NCOR2: variants seen among roughly 807,000 people sequenced by gnomAD.
NCOR2 encodes the protein nuclear receptor corepressor 2.
NCOR2 carries 81 observed loss-of-function variants against 262.9 expected under a neutral mutation model. The ratio of observed to expected loss-of-function variants is 0.31; its 90% CI spans 0.26 to 0.37. The LOEUF (loss-of-function observed/expected upper bound fraction) is 0.37. Ranked by LOEUF, NCOR2 falls within the 10% of genes least tolerant of loss-of-function variation. The pLI is 1.00. For synonymous variants in NCOR2, 1,659 were observed against 1,559.3 expected (o/e 1.06, Z -1.51); for missense variants, 3,385 against 3,621.4 (o/e 0.93, Z 1.68).
At chr12:124,384,734 C>A (rs1383849257) in intron 17 of NCOR2, among the ~76,000 whole-genome samples, 1 of 152,106 alleles carries the variant, frequency 6.6e-6, no homozygotes, top group Non-Finnish European at 1.5e-5. Flanking sequence ...GGGAGCAATT[C>A]AGCATGGCCT....
chr12:124,510,620 CT>C (rs1216588704), intron 1 of NCOR2, among the ~76,000 whole-genome samples: 1 of 152,250 alleles, frequency 6.6e-6, no homozygotes, highest in Non-Finnish European at 1.5e-5. Context: ...CCACTGTGTC[CT>C]GGGACCCTGT....
At chr12:124,436,116 C>A (rs957622674) in intron 8 of NCOR2, among the ~76,000 whole-genome samples, 1 of 152,236 alleles carries the variant, frequency 6.6e-6, no homozygotes, top group African/African-American at 2.4e-5. Context: ...GCCTCACACA[C>A]AGTAGGTGCT....
At chr12:124,418,442 T>C (rs1593450596) in intron 13 of NCOR2, among the ~76,000 whole-genome samples, 1 of 149,230 alleles carries the variant, frequency 6.7e-6, no homozygotes, top group Non-Finnish European at 1.5e-5. Flanking sequence ...CAACACCTTA[T>C]GGGTCTCGAC....
chr12:124,392,998 G>A (rs980424547), intron 16 of NCOR2, among the ~76,000 whole-genome samples: 8 of 152,338 alleles, frequency 5.3e-5, no homozygotes, highest in East Asian at 1.9e-4. Context: ...CTGGCAGCCC[G>A]GAGGCGGGCC....
intron 17 of NCOR2, among the ~76,000 whole-genome samples, chr12:124,382,365 G>A (rs943819325): frequency 5.3e-5 from 8 of 152,130 alleles, no homozygotes; most frequent in African/African-American, 1.9e-4. Flanking sequence ...CGATATGAGG[G>A]TGCTCCTTCA....
chr12:124,425,654 T>C (rs1411777212), intron 11 of NCOR2, among the ~76,000 whole-genome samples: 2 of 152,168 alleles, frequency 1.3e-5, no homozygotes, highest in Non-Finnish European at 1.5e-5. Flanking sequence ...TCGCAGATTC[T>C]CACTGTGGGG....
rs2047174189 is a variant in NCOR2, at chr12:124,477,591, AGCTCTTC to A, written c.412-4467_412-4461del. Among the ~76,000 whole-genome samples the A allele has an allele frequency of 2.0e-5, 3 of 152,336 alleles. No individual in the cohort carries two copies. In the South Asian group the frequency reaches 6.2e-4, roughly 32 times the overall value. On this transcript the variant is annotated intron_variant, in intron 3 of 46. Coordinates refer to ENST00000405201, the Ensembl canonical transcript of NCOR2. The stretch of plus-strand genomic sequence containing the variant: ...ATTGTAAATGTCCTACAAGCCAACG[AGCTCTTC>A]ACTTTAATGTGGTTACTTTTTTGTG...
chr12:124,340,353 C>A (rs775254112), exon 36 of NCOR2: 2 of 1,612,978 alleles, frequency 1.2e-6, no homozygotes, highest in East Asian at 4.5e-5. Flanking sequence ...GGACTTTTCC[C>A]GCTCCCGATC....
intron 22 of NCOR2, among the ~76,000 whole-genome samples, chr12:124,359,994 C>T (rs1481381756): frequency 3.3e-5 from 5 of 152,312 alleles, no homozygotes; most frequent in South Asian, 2.1e-4. Context: ...GGCCAGGAAA[C>T]GGCACAGGCC....
At chr12:124,486,390 T>G in intron 2 of NCOR2, 51 bp downstream of exon 4, 1 of 1,601,494 alleles carries the variant, frequency 6.2e-7, no homozygotes, top group Non-Finnish European at 8.5e-7. Context: ...CTTCTCCATC[T>G]GAGAAGGAGC....
rs149141982 is a variant in NCOR2, at chr12:124,527,763, G to A, written c.-118+7802C>T. 6.6e-4 allele frequency among the ~76,000 whole-genome samples: 100 copies of A among 152,334 alleles called. 1 individual carries two copies. Among genetic ancestry groups the A allele is most frequent in the African/African-American group, 2.2e-3 (93 of 41,568 alleles). ...AACATGTGAAGTGTGACACAAGGAC[G>A]ATCACAAACCCTGTTAGGACTGCTG... On this transcript the variant is annotated intron_variant, in intron 1 of 46. Coordinates refer to the NCOR2 transcript ENST00000404621.
intron 20 of NCOR2, among the ~76,000 whole-genome samples, chr12:124,369,541 G>T (rs1050143890): frequency 6.6e-6 from 1 of 152,018 alleles, no homozygotes; most frequent in African/African-American, 2.4e-5. Flanking sequence ...CATCTCGTCC[G>T]CGTCCTCCAG....
intron 1 of NCOR2, among the ~76,000 whole-genome samples, chr12:124,557,761 A>C (rs1186501824): frequency 6.6e-6 from 1 of 152,106 alleles, no homozygotes; most frequent in Non-Finnish European, 1.5e-5. Context: ...GGTGTCTCCC[A>C]ACTTCTCCCG....
intron 28 of NCOR2, among the ~76,000 whole-genome samples, 182 bp downstream of exon 30, chr12:124,350,405 G>A (rs778236918): frequency 7.2e-5 from 11 of 152,220 alleles, no homozygotes; most frequent in Non-Finnish European, 1.2e-4. Flanking sequence ...GGCAGAGGTG[G>A]GAGGCAGCTA....
chr12:124,542,324 T>C (rs902636511), intron 1 of NCOR2, among the ~76,000 whole-genome samples: 1 of 152,036 alleles, frequency 6.6e-6, no homozygotes, highest in African/African-American at 2.4e-5. Flanking sequence ...CAGCCTCCCC[T>C]GACCAGCGGC....
rs11267460 is a variant in NCOR2, at chr12:124,454,709, ACGGCCACTTTT to A, written c.762+2386_762+2396del. Reference sequence around the variant, plus strand: ...CTTACTGGTGGAGATGTAAAATGGTACGGCCACTTTTCGGCCACTTTGGAAAACAGTTGGGC... The same window carrying A: ...CTTACTGGTGGAGATGTAAAATGGTACGGCCACTTTGGAAAACAGTTGGGC... On this transcript the variant is annotated intron_variant, in intron 6 of 46. Transcript: ENST00000405201. This position sits in a 1 kb window ranked among gnomAD's most constrained non-coding sequence, Gnocchi z 5.6. Among the ~76,000 whole-genome samples, 135,224 of 152,008 alleles carry A rather than the reference ACGGCCACTTTT, an allele frequency of 0.89. 60,242 individuals carry two copies. Among genetic ancestry groups the A allele is most frequent in the East Asian group, 1 (5,169 of 5,172 alleles).
At chr12:124,510,841 G>C (rs558164977) in intron 1 of NCOR2, among the ~76,000 whole-genome samples, 1 of 152,198 alleles carries the variant, frequency 6.6e-6, no homozygotes, top group Admixed American at 6.5e-5. Context: ...TGTCCACCCC[G>C]GGCCCAGGAG....
intron 1 of NCOR2, among the ~76,000 whole-genome samples, chr12:124,563,244 T>A (rs2052127623): frequency 6.6e-6 from 1 of 152,160 alleles, no homozygotes; most frequent in Non-Finnish European, 1.5e-5. Flanking sequence ...GATGAAACAC[T>A]CCGAGATTGT....
chr12:124,397,344 A>G (rs1239546415), intron 16 of NCOR2, among the ~76,000 whole-genome samples: 2 of 152,220 alleles, frequency 1.3e-5, no homozygotes, highest in Non-Finnish European at 2.9e-5. Flanking sequence ...CCCACTCAAC[A>G]GACGGGCAAA....
Sources: allele counts gnomAD v4.1 joint callset (sites outside exome capture counted in the v4.1 genomes callset), GRCh38; gene constraint gnomAD v4.1.1; non-coding constraint Gnocchi (gnomAD v3.1); transcripts MANE v1.5; gene names NCBI Gene and HGNC (gene_info 2026-07-23, HGNC 2026-07-21).